Variants in PFKP observed in about 807,000 individuals in gnomAD.
The protein encoded by PFKP is ATP-dependent 6-phosphofructokinase, platelet type.
PFKP carries 101 observed loss-of-function variants against 94.3 expected under a neutral mutation model. The ratio of observed to expected loss-of-function variants is 1.07; its 90% CI spans 0.91 to 1.26. The LOEUF (loss-of-function observed/expected upper bound fraction) is 1.26. PFKP is among the 50% of genes most tolerant of loss of function. The pLI, the probability that PFKP is intolerant of heterozygous loss-of-function variation, is 0.00. For synonymous variants in PFKP, 573 were observed against 432.6 expected (o/e 1.32, Z -4.03); for missense variants, 1,145 against 1,103.3 (o/e 1.04, Z -0.53).
chr10:3,105,005 T>C, intron 5 of PFKP, 110 bp from the exon 6 acceptor site: 1 of 1,053,618 alleles, frequency 9.5e-7, no homozygotes, highest in Non-Finnish European at 1.5e-6. Context: ...AACTCGGCTG[T>C]CAAAGCCCCT....
At position 3,118,719 on chromosome 10, in the gene PFKP, G is replaced by C. The variant is rs1461335229; in HGVS notation, c.1443-63G>C. The C allele has an allele frequency of 2.4e-5, 29 of 1,185,010 alleles. 1 individual carries two copies. The highest frequency in any genetic ancestry group is 1.8e-5 in the Admixed American group (1 of 56,234). The allele number at this position is 1,185,010 out of a possible 1,614,324, so 73.4% of individuals were successfully genotyped here. A position where few individuals can be genotyped will look rare whatever the true frequency, so the allele number is the denominator to read the frequency against. The stretch of plus-strand genomic sequence containing the variant: ...AGGCGGCCGGGTGGGGACCGGCGTG[G>C]CGTCCTGCGGACCGCGTGGAGTTTG... On this transcript the variant is annotated intron_variant, in intron 14 of 21. Coordinates refer to ENST00000381125, the MANE Select transcript of PFKP (RefSeq NM_002627.5).
At chr10:3,130,112 C>A in intron 17 of PFKP, 129 bp downstream of exon 17, 1 of 791,028 alleles carries the variant, frequency 1.3e-6, no homozygotes, top group African/African-American at 1.8e-5. Context: ...GAACATGCCA[C>A]GCTTGATACA....
intron 1 of PFKP, among the ~76,000 whole-genome samples, chr10:3,081,532 C>T (rs750983107): frequency 1.1e-4 from 17 of 152,206 alleles, no homozygotes; most frequent in African/African-American, 3.9e-4. Flanking sequence ...TAAGCAGCAG[C>T]GCTGCATGGC....
chr10:3,094,203 A>C (rs1169988420), intron 2 of PFKP, among the ~76,000 whole-genome samples: 1 of 152,148 alleles, frequency 6.6e-6, no homozygotes, highest in Non-Finnish European at 1.5e-5. Context: ...CCCTCTCTCT[A>C]CAGGGGAGGA....
Position 3,082,481 on chromosome 10 carries a change from C to G in PFKP, c.186+20C>G. 6.3e-7 allele frequency: 1 copy of G among 1,576,192 alleles called. No individual in the cohort carries two copies. Among genetic ancestry groups the G allele is most frequent in the Non-Finnish European group, 8.7e-7 (1 of 1,152,798 alleles). On this transcript the variant is annotated intron_variant, in intron 2 of 21. Transcript: ENST00000381125. ...TACGAGGTCAGTGTCTGCCCCTCAC[C>G]CCCTGTCGCCCTTCTTCCACCTGCC...
intron 1 of PFKP, among the ~76,000 whole-genome samples, chr10:3,079,697 C>T (rs542293786): frequency 2.2e-3 from 282 of 130,760 alleles, no homozygotes; most frequent in Non-Finnish European, 2.7e-3. Flanking sequence ...GGTGAGGGGC[C>T]GCCATTGGGT....
chr10:3,119,745 A>C, intron 15 of PFKP, 147 bp from the exon 16 acceptor site: 1 of 635,420 alleles, frequency 1.6e-6, no homozygotes, highest in South Asian at 1.9e-5. Flanking sequence ...TCTTAAGGCA[A>C]CTGTGTGTTG....
intron 2 of PFKP, among the ~76,000 whole-genome samples, chr10:3,089,352 C>T (rs1484077399): frequency 6.6e-6 from 1 of 152,112 alleles, no homozygotes; most frequent in South Asian, 2.1e-4. Context: ...TTTTCTTTGT[C>T]CATTTATCCG....
At chr10:3,081,641 C>T (rs560346751) in intron 1 of PFKP, among the ~76,000 whole-genome samples, 2 of 152,178 alleles carry the variant, frequency 1.3e-5, no homozygotes, top group South Asian at 2.1e-4. Flanking sequence ...GAGGTGGTTC[C>T]GAGACACTAG....
chr10:3,107,339 C>T (rs368143370), intron 8 of PFKP, 30 bp downstream of exon 8: 55 of 1,375,078 alleles, frequency 4.0e-5, no homozygotes, highest in African/African-American at 3.6e-4. Context: ...CACTTTCTCT[C>T]GGTTTCTGCC....
chr10:3,135,598 TTC>T, intron 20 of PFKP, 136 bp from the exon 21 acceptor site: 3 of 603,688 alleles, frequency 5.0e-6, no homozygotes, highest in Middle Eastern at 2.6e-4. Context: ...TGCGCGGCTG[TTC>T]TCAGTCTCAC....
chr10:3,069,443 C>G, intron 1 of PFKP: 3 of 1,500,278 alleles, frequency 2.0e-6, no homozygotes, highest in South Asian at 1.2e-5. Flanking sequence ...GCTTCTCAGT[C>G]AAAGGCCTTC....
At chr10:3,080,212 T>TA (rs1274248852) in intron 1 of PFKP, among the ~76,000 whole-genome samples, 1 of 152,056 alleles carries the variant, frequency 6.6e-6, no homozygotes, top group Non-Finnish European at 1.5e-5. Context: ...AACGCGGTCA[T>TA]ATTCGTGCTT....
chr10:3,107,957 T>A (rs1270633856), intron 8 of PFKP: 1 of 1,289,636 alleles, frequency 7.8e-7, no homozygotes. Context: ...GCAGAAGACG[T>A]CCCCACCTGG....
At chr10:3,129,771 C>T (rs41288731) in intron 16 of PFKP, 48 bp from the exon 17 acceptor site, 324 of 1,597,740 alleles carry the variant, frequency 2.0e-4, no homozygotes, top group Non-Finnish European at 2.3e-4. Context: ...GGATGGTGGG[C>T]GCGCCCCGGG....
intron 10 of PFKP, among the ~76,000 whole-genome samples, chr10:3,110,344 G>A (rs1017768515): frequency 3.4e-5 from 5 of 147,234 alleles, no homozygotes; most frequent in Admixed American, 6.8e-5. Context: ...GACTACAGGT[G>A]CCCACCACCA....
rs72097647 is a variant in PFKP at position 3,071,437 on chromosome 10, T to TG, written c.112+3730_112+3731insG. On this transcript the variant is annotated intron_variant, in intron 1 of 21. Coordinates refer to ENST00000381125, the MANE Select transcript of PFKP (RefSeq NM_002627.5). ...CTTCTGTCTCAGGCTGTTTTTTTTTTTTTTTTTTTTTTCTTTCTCTTCTTC... is the reference window on the plus strand; with the variant it reads ...CTTCTGTCTCAGGCTGTTTTTTTTTTGTTTTTTTTTTTTCTTTCTCTTCTTC... 8.6e-3 allele frequency among the ~76,000 whole-genome samples: 1,023 copies of TG among 118,748 alleles called. 6 individuals carry two copies. The highest frequency in any genetic ancestry group is 0.016 in the Non-Finnish European group (768 of 49,150). 77.9% of individuals were successfully genotyped at this position (118,748 alleles called of 152,430 possible).
intron 16 of PFKP, chr10:3,129,579 A>C: frequency 2.0e-6 from 1 of 508,348 alleles, no homozygotes; most frequent in Non-Finnish European, 3.5e-6. Context: ...CCAGGCCCCC[A>C]AAACGGGACA....
chr10:3,118,874 G>C lies in PFKP; in HGVS notation c.1530+5G>C, dbSNP rs766439703. 3.5e-5 allele frequency: 56 copies of C among 1,608,960 alleles called. No homozygotes were observed. In the African/African-American group the frequency reaches 4.5e-4, roughly 13 times the overall value. The stretch of plus-strand genomic sequence containing the variant: ...CTGATCATCGGTGGATTCGAGGTAC[G>C]TTACCGTTTCTCTCTTGCCGGTCTT... On this transcript the variant is annotated splice_donor_5th_base_variant and intron_variant, in intron 15 of 21. Coordinates refer to ENST00000381125, the MANE Select transcript of PFKP (RefSeq NM_002627.5).
Sources: gnomAD v4.1 joint callset for allele counts (sites outside exome capture counted in the v4.1 genomes callset) on GRCh38, gnomAD v4.1.1 for gene constraint, MANE v1.5 for transcripts, NCBI Gene and HGNC (gene_info 2026-07-23, HGNC 2026-07-21) for gene names.